Variants in ZNF600 observed in about 807,000 individuals in gnomAD.
The protein encoded by ZNF600 is zinc finger protein 600.
In ZNF600, 4 loss-of-function variants were observed where a neutral mutation model predicts 7.3. That is an observed-to-expected ratio of 0.55 (90% CI 0.27 to 1.25). The LOEUF is 1.25. ZNF600 is among the 50% of genes most tolerant of loss of function. The pLI is 0.12. For missense variants in ZNF600, 911 were observed against 922.1 expected (o/e 0.99, Z 0.16); for synonymous variants, 290 against 308.9 (o/e 0.94, Z 0.64).
the ZNF600 span, among the ~76,000 whole-genome samples, chr19:52,794,035 C>T: frequency 3.9e-5 from 6 of 151,952 alleles, no homozygotes; most frequent in Non-Finnish European, 5.9e-5. Context: ...CTTATGGACA[C>T]GTGAAGGTGG....
At chr19:52,824,745 C>T in the ZNF600 span, among the ~76,000 whole-genome samples, 1 of 152,180 alleles carries the variant, frequency 6.6e-6, no homozygotes, top group Non-Finnish European at 1.5e-5. Flanking sequence ...TGAAGTCAGA[C>T]ACCAAAAACC....
At chr19:52,787,681 AC>A (rs1417709036), upstream of ZNF600, among the ~76,000 whole-genome samples, 3 of 150,446 alleles carry the variant, frequency 2.0e-5, no homozygotes, top group Non-Finnish European at 4.4e-5. Context: ...ACACAGTGAA[AC>A]CCCATCTCTA....
the ZNF600 span, among the ~76,000 whole-genome samples, chr19:52,793,996 G>A: frequency 1.3e-5 from 2 of 152,298 alleles, no homozygotes; most frequent in South Asian, 2.1e-4. Context: ...AGGACTGCAA[G>A]GGAATGTGTT....
At chr19:52,810,116 G>A in the ZNF600 span, 1 of 818,952 alleles carries the variant, frequency 1.2e-6, no homozygotes, top group Admixed American at 1.9e-5. Context: ...AGGAGGGGGA[G>A]GAGCCGGGAC....
At chr19:52,815,637 C>A in the ZNF600 span, among the ~76,000 whole-genome samples, 65 of 146,248 alleles carry the variant, frequency 4.4e-4, 5 homozygotes, top group Middle Eastern at 3.5e-3. Context: ...ATCCTGGCTA[C>A]CACAATGAAA....
At chr19:52,818,003 C>T in the ZNF600 span, 8 of 1,609,806 alleles carry the variant, frequency 5.0e-6, no homozygotes, top group African/African-American at 9.4e-5. Context: ...GTTTCTTCCT[C>T]ACGTACCAAG....
intron 1 of ZNF600, 42 bp downstream of exon 2, chr19:52,781,275 G>C (rs997707609): frequency 4.3e-4 from 66 of 151,966 alleles, no homozygotes; most frequent in African/African-American, 1.6e-3. Flanking sequence ...TCATTTCAGG[G>C]GTCAGTGTCA....
chr19:52,832,015 T>G, the ZNF600 span, among the ~76,000 whole-genome samples: 3 of 148,768 alleles, frequency 2.0e-5, no homozygotes, highest in African/African-American at 7.4e-5. Flanking sequence ...AATAAAACAA[T>G]GCAAATGTTG....
At chr19:52,789,705 T>C (rs1310674803), upstream of ZNF600, among the ~76,000 whole-genome samples, 1 of 152,106 alleles carries the variant, frequency 6.6e-6, no homozygotes, top group Non-Finnish European at 1.5e-5. Context: ...TGAGGTATGA[T>C]TGCAGCACTG....
Position 52,766,137 on chromosome 19 carries a change from T to G in ZNF600, c.1826A>C (p.Tyr609Ser), listed in dbSNP as rs144298101. ...ATGAAGTCTACGATGGCAATGAAGG[T>G]ATGACCTCTGACTGAAGGTCTTGCT... is the stretch of plus-strand genomic sequence containing the variant. The change falls in exon 4 of 4, where the codon TAC (tyrosine) becomes TCC (serine). Residue 609 changes from tyrosine (Y) to serine (S), a missense_variant. Tyr to Ser is a moderately radical substitution (Grantham distance 144). Transcript: ENST00000648973. The G allele has an allele frequency of 7.7e-4, 1,239 of 1,613,916 alleles. 4 individuals are homozygous for G. The highest frequency in any genetic ancestry group is 2.4e-3 in the South Asian group (219 of 91,078).
At chr19:52,788,695 C>T (rs778676660), upstream of ZNF600, among the ~76,000 whole-genome samples, 2 of 152,198 alleles carry the variant, frequency 1.3e-5, no homozygotes, top group African/African-American at 2.4e-5. Flanking sequence ...AACCAAACCC[C>T]ATGCAGAGCA....
intron 3 of ZNF600, among the ~76,000 whole-genome samples, chr19:52,772,713 C>A (rs2062640311): frequency 6.6e-6 from 1 of 152,116 alleles, no homozygotes; most frequent in Non-Finnish European, 1.5e-5. Context: ...CCAGTTTGCA[C>A]GTACGGTAAG....
the ZNF600 span, among the ~76,000 whole-genome samples, chr19:52,808,602 C>G: frequency 1.5e-3 from 230 of 151,488 alleles, 2 homozygotes; most frequent in African/African-American, 5.3e-3. Flanking sequence ...TCACTGCACT[C>G]CAGCCTGGGC....
chr19:52,786,694 G>T, exon 1 of ZNF600: 1 of 272,710 alleles, frequency 3.7e-6, no homozygotes, highest in South Asian at 3.1e-5. Context: ...GGGGACCTGG[G>T]AAGTGCAGAC....
At chr19:52,822,138 T>C in the ZNF600 span, among the ~76,000 whole-genome samples, 2 of 137,200 alleles carry the variant, frequency 1.5e-5, no homozygotes, top group African/African-American at 5.4e-5. Context: ...AGTGGCGAGA[T>C]CTTGACTCAC....
chr19:52,767,678 A>T, exon 4 of ZNF600: 1 of 1,614,112 alleles, frequency 6.2e-7, no homozygotes, highest in South Asian at 1.1e-5. Flanking sequence ...CAATGTGATA[A>T]CTTTGATATC....
Position 52,778,909 on chromosome 19 carries a change from T to A in ZNF600, c.-19-2A>T, listed in dbSNP as rs1435170783. 3 of 1,586,594 alleles carry A rather than the reference T, an allele frequency of 1.9e-6. No homozygotes were observed. On this transcript the variant is annotated splice_acceptor_variant, in intron 1 of 3. Transcript: ENST00000648973. LOFTEE classifies it low-confidence loss of function (5UTR_SPLICE). ...AACATGAGTCTTTAGGAATCAATCC[T>A]GTATGTGAAAAAAAATGAGACTTCT...
chr19:52,809,220 T>C, the ZNF600 span, among the ~76,000 whole-genome samples: 1 of 152,180 alleles, frequency 6.6e-6, no homozygotes, highest in Non-Finnish European at 1.5e-5. Flanking sequence ...TTCAACTGCC[T>C]GACCTGGAGG....
Position 52,778,942 on chromosome 19 carries a change from A to G in ZNF600, c.-19-35T>C. The G allele has an allele frequency of 2.6e-6, 4 of 1,567,444 alleles. No individual in the cohort carries two copies. The South Asian group carries it at 4.7e-5, about 18-fold the overall frequency. On this transcript the variant is annotated intron_variant, in intron 1 of 3. Transcript: ENST00000648973. ...AAAAAAAATGAGACTTCTTGTTAGA[A>G]ATGACTCACTCCCATCCTGTGACAA...
Sources: gnomAD v4.1 joint callset for allele counts (sites outside exome capture counted in the v4.1 genomes callset) on GRCh38, gnomAD v4.1.1 for gene constraint, MANE v1.5 for transcripts, NCBI Gene and HGNC (gene_info 2026-07-23, HGNC 2026-07-21) for gene names.